The following MDM2 variants were observed in gnomAD, a reference collection of about 807,000 sequenced individuals.
MDM2 encodes MDM2 proto-oncogene.
Under a neutral mutation model 64.3 loss-of-function variants are expected in MDM2, and 11 were observed. The ratio of observed to expected loss-of-function variants is 0.17; its 90% confidence interval spans 0.11 to 0.28. The LOEUF (loss-of-function observed/expected upper bound fraction) is 0.28, where lower values mean the gene tolerates loss of function less well. Among genes scored for constraint, MDM2 ranks in the 10% least tolerant of loss-of-function variants. The probability of loss-of-function intolerance (pLI) is 1.00; values close to 1 mark genes in which losing one functional copy is unlikely to be tolerated. For missense variants in MDM2, 388 were observed against 577.1 expected, an observed-to-expected ratio of 0.67 and a Z score of 3.36; for synonymous variants, 194 against 192.9, an observed-to-expected ratio of 1.01 and a Z score of -0.05.
At chr12:68,836,279 AACTT>A (rs1883304119) in intron 9 of MDM2, among the ~76,000 whole-genome samples, 1 of 152,162 alleles carries the variant, frequency 6.6e-6, no homozygotes, top group Admixed American at 6.6e-5. Context: ...TTTTAATATT[AACTT>A]ACTTTCTATA....
chr12:68,827,416 C>CT (rs1167302867), intron 7 of MDM2, among the ~76,000 whole-genome samples: 2 of 152,106 alleles, frequency 1.3e-5, no homozygotes, highest in Non-Finnish European at 2.9e-5. Context: ...AAAATACAGT[C>CT]TATCTTGATT....
Position 68,808,228 on chromosome 12 carries a change from G to T in MDM2, c.-250G>T. 1 of 576,958 alleles carries T rather than the reference G, an allele frequency of 1.7e-6. No homozygotes were observed. The highest frequency in any genetic ancestry group is 2.0e-5 in the South Asian group (1 of 49,014). 35.7% of individuals were successfully genotyped at this position (576,958 alleles called of 1,614,324 possible). A position where few individuals can be genotyped will look rare whatever the true frequency, so the allele number is the denominator to read the frequency against. ...GCTTGGCTGCTTCTGGGGCCTGTGT[G>T]GCCCTGTGTGTCGGAAAGATGGAGC... On this transcript the variant is annotated 5_prime_UTR_variant, in exon 1 of 11. Coordinates refer to ENST00000258149, the MANE Select transcript of MDM2 (RefSeq NM_002392.6).
Position 68,808,373 on chromosome 12 carries a change from A to G in MDM2, c.-105A>G. The G allele has an allele frequency of 1.4e-6, 2 of 1,477,894 alleles. No individual in the cohort carries two copies. Among genetic ancestry groups the G allele is most frequent in the Non-Finnish European group, 9.4e-7 (1 of 1,061,052 alleles). The allele number at this position is 1,477,894 out of a possible 1,614,324, so 91.5% of individuals were successfully genotyped here. A position where few individuals can be genotyped will look rare whatever the true frequency, so the allele number is the denominator to read the frequency against. ...ACGAGCGCCCAGTGCCCTGGCCCGG[A>G]GAGTGGAATGATCCCCGAGGCCCAG... On this transcript the variant is annotated 5_prime_UTR_variant, in exon 1 of 11. Transcript: ENST00000258149.
intron 8 of MDM2, among the ~76,000 whole-genome samples, chr12:68,830,670 C>T (rs1882721945): frequency 6.6e-6 from 1 of 152,024 alleles, no homozygotes; most frequent in African/African-American, 2.4e-5. Context: ...AGTATCCAAC[C>T]TACAAGTTTG....
chr12:68,808,685 AG>A lies in MDM2; in HGVS notation c.14+197del, dbSNP rs1192828310. ...GGACTGGGGCTAGGCAGTCGCCGCCAGGGAGGAGGGCGGGATTTCGGACGGC... is the reference window on the plus strand; with the variant it reads ...GGACTGGGGCTAGGCAGTCGCCGCCAGGAGGAGGGCGGGATTTCGGACGGC... On this transcript the variant is annotated intron_variant, in intron 1 of 10. Transcript: ENST00000258149. Among the ~76,000 whole-genome samples the A allele has an allele frequency of 9.0e-5, 10 of 110,670 alleles. No homozygotes were observed. The Admixed American group carries it at 1.0e-3, about 11-fold the overall frequency. The allele number at this position is 110,670 out of a possible 152,430, so 72.6% of individuals were successfully genotyped here.
chr12:68,830,270 T>C (rs1882688159), intron 8 of MDM2, among the ~76,000 whole-genome samples: 4 of 152,202 alleles, frequency 2.6e-5, no homozygotes, highest in Admixed American at 1.3e-4. Flanking sequence ...CCAATTGTGA[T>C]AGTAATCCTA....
In MDM2 at chr12:68,843,407, A is replaced by G. The variant is rs1369598300; in HGVS notation, c.*3558A>G. The G allele has an allele frequency of 1.3e-5, 3 of 230,890 alleles. No individual in the cohort carries two copies. The highest frequency in any genetic ancestry group is 6.6e-5 in the African/African-American group (3 of 45,202). The allele number at this position is 230,890 out of a possible 1,614,324, so 14.3% of individuals were successfully genotyped here. ...TGTGCTAATTACACTGATTTGATCAATACCCATTGTATGTGAAACAGTACA... is the reference window on the plus strand; with the variant it reads ...TGTGCTAATTACACTGATTTGATCAGTACCCATTGTATGTGAAACAGTACA... On this transcript the variant is annotated 3_prime_UTR_variant, in exon 11 of 11. Transcript: ENST00000258149.
intron 8 of MDM2, among the ~76,000 whole-genome samples, chr12:68,832,249 C>G (rs937746111): frequency 7.2e-5 from 11 of 152,118 alleles, no homozygotes; most frequent in African/African-American, 2.4e-4. Context: ...GCATTCCTCT[C>G]CCATCTTTTC....
At chr12:68,810,455 AATT>A (rs1053857790) in intron 2 of MDM2, among the ~76,000 whole-genome samples, 4 of 151,836 alleles carry the variant, frequency 2.6e-5, no homozygotes, top group African/African-American at 7.3e-5. Flanking sequence ...ACCAATCTTT[AATT>A]ATTATTATTA....
Position 68,834,562 on chromosome 12 carries a change from C to G in MDM2, c.685-1267C>G, listed in dbSNP as rs566147927. Among the ~76,000 whole-genome samples, 8 of 151,874 alleles carry G rather than the reference C, an allele frequency of 5.3e-5. No homozygotes were observed. In the South Asian group the frequency reaches 1.7e-3, roughly 32 times the overall value. ...GACCAGCCTGGCCAACATGGTGAAG[C>G]CCTGCCTCTACTAAAAATACAAAAA... is the stretch of plus-strand genomic sequence containing the variant. On this transcript the variant is annotated intron_variant, in intron 8 of 10. Coordinates refer to ENST00000258149, the MANE Select transcript of MDM2 (RefSeq NM_002392.6).
chr12:68,835,677 C>A, intron 8 of MDM2, 152 bp from the exon 9 acceptor site: 1 of 632,716 alleles, frequency 1.6e-6, no homozygotes, highest in Non-Finnish European at 2.4e-6. Context: ...GCCCGCCGAT[C>A]TCCCTCGGGA....
chr12:68,813,830 A>T (rs1881122431), intron 3 of MDM2, among the ~76,000 whole-genome samples: 1 of 152,230 alleles, frequency 6.6e-6, no homozygotes, highest in South Asian at 2.1e-4. Flanking sequence ...AGGAACTCAG[A>T]TAAATGGAAG....
chr12:68,824,843 ACAG>A (rs1882169044), intron 7 of MDM2, 192 bp downstream of exon 7: 1 of 552,658 alleles, frequency 1.8e-6, no homozygotes, highest in South Asian at 2.2e-5. Flanking sequence ...CTGGCTGACT[ACAG>A]CAGGCACAGT....
In MDM2 at chr12:68,816,362, C is replaced by CTT. The variant is rs62874563; in HGVS notation, c.175-423_175-422dup. The stretch of plus-strand genomic sequence containing the variant: ...TTAAATGGAAAAGGCTTAAAAGTAG[C>CTT]TTTTTTTTTTTTTTTTTTTTTTTTT... On this transcript the variant is annotated intron_variant, in intron 3 of 10. Transcript: ENST00000258149. 2.1e-3 allele frequency among the ~76,000 whole-genome samples: 128 copies of CTT among 61,084 alleles called. 16 individuals are homozygous for CTT. The highest frequency in any genetic ancestry group is 5.0e-3 in the African/African-American group (74 of 14,906). The allele number at this position is 61,084 out of a possible 152,430, so 40.1% of individuals were successfully genotyped here.
intron 2 of MDM2, among the ~76,000 whole-genome samples, chr12:68,809,744 T>A (rs1196335): frequency 0.34 from 51,796 of 152,098 alleles, 9,533 homozygotes; most frequent in Non-Finnish European, 0.42. Flanking sequence ...CCCACATATA[T>A]TTACATTTGA....
chr12:68,820,300 T>TG, intron 4 of MDM2, 25 bp from the exon 5 acceptor site: 1 of 1,480,688 alleles, frequency 6.8e-7, no homozygotes, highest in Non-Finnish European at 9.3e-7. Context: ...CATCTCTTGT[T>TG]ATTTTTTTTT....
chr12:68,809,923 G>C (rs979185040), intron 2 of MDM2, among the ~76,000 whole-genome samples: 4 of 152,146 alleles, frequency 2.6e-5, no homozygotes, highest in African/African-American at 9.7e-5. Context: ...TGCCTTTACT[G>C]ATAGGTTTTT....
At chr12:68,832,885 G>A (rs1243660346) in intron 8 of MDM2, among the ~76,000 whole-genome samples, 1 of 151,362 alleles carries the variant, frequency 6.6e-6, no homozygotes, top group African/African-American at 2.4e-5. Context: ...CCAGCACTTT[G>A]GGAGGCTGAG....
chr12:68,833,286 AATATATATAT>A (rs1565744013), intron 8 of MDM2, among the ~76,000 whole-genome samples: 6 of 84,076 alleles, frequency 7.1e-5, no homozygotes, highest in African/African-American at 3.6e-4. Flanking sequence ...TATAAATATA[AATATATATAT>A]TTATATAAAT....
Sources: allele counts gnomAD v4.1 joint callset (sites outside exome capture counted in the v4.1 genomes callset), GRCh38; gene constraint gnomAD v4.1.1; transcripts MANE v1.5; gene names NCBI Gene and HGNC (gene_info 2026-07-23, HGNC 2026-07-21).